ZNF644: variants seen among roughly 807,000 people sequenced by gnomAD.
ZNF644 encodes the protein zinc finger motif enhancer binding protein 2.
Under a neutral mutation model 108.0 loss-of-function variants are expected in ZNF644, and 20 were observed. The ratio of observed to expected loss-of-function variants is 0.19; its 90% CI spans 0.13 to 0.27. ZNF644 has a LOEUF of 0.27. ZNF644 is among the 10% of genes least tolerant of loss of function. The probability of loss-of-function intolerance (pLI) is 1.00; values close to 1 mark genes in which losing one functional copy is unlikely to be tolerated. For missense variants in ZNF644, 1,338 were observed against 1,548.9 expected, an observed-to-expected ratio of 0.86 and a Z score of 2.29; for synonymous variants, 542 against 539.1, an observed-to-expected ratio of 1.01 and a Z score of -0.08.
chr1:90,978,840 A>G (rs935912552), intron 2 of ZNF644, among the ~76,000 whole-genome samples: 1 of 151,294 alleles, frequency 6.6e-6, no homozygotes, highest in African/African-American at 2.4e-5. Context: ...AGGATTTAAA[A>G]AAAAAAAAAA....
chr1:91,013,449 TCTCACACACACA>T (rs1377297596), intron 1 of ZNF644, among the ~76,000 whole-genome samples: 2 of 96,266 alleles, frequency 2.1e-5, no homozygotes, highest in Non-Finnish European at 5.0e-5. Flanking sequence ...CCAATCTCTC[TCTCACACACACA>T]CACACACACA....
intron 1 of ZNF644, among the ~76,000 whole-genome samples, chr1:91,015,106 G>C (rs1660317226): frequency 6.6e-6 from 1 of 152,214 alleles, no homozygotes; most frequent in South Asian, 2.1e-4. Flanking sequence ...TATTTTTCAA[G>C]CATAAATGAA....
intron 2 of ZNF644, among the ~76,000 whole-genome samples, chr1:90,981,462 C>T (rs1274054691): frequency 2.6e-5 from 4 of 151,950 alleles, no homozygotes; most frequent in Non-Finnish European, 5.9e-5. Flanking sequence ...AACTACAGCA[C>T]TTTTCATCCT....
chr1:91,013,866 T>C (rs1203453250), intron 1 of ZNF644, among the ~76,000 whole-genome samples: 2 of 152,232 alleles, frequency 1.3e-5, no homozygotes, highest in Non-Finnish European at 2.9e-5. Flanking sequence ...GTTTATATGA[T>C]GAAATAATAG....
chr1:90,915,973 CT>C lies in ZNF644; in HGVS notation c.*824del, dbSNP rs1457895867. On this transcript the variant is annotated 3_prime_UTR_variant, in exon 6 of 6. Transcript: ENST00000337393. ...GGTAAAACATTAAAAAGAAACAAAC[CT>C]GTTAACAAAAGAATGTCTTGCAATA... The C allele has an allele frequency of 6.6e-6, 1 of 152,418 alleles. No homozygotes were observed. The highest frequency in any genetic ancestry group is 1.5e-5 in the Non-Finnish European group (1 of 67,962). The allele number at this position is 152,418 out of a possible 1,614,324, so 9.4% of individuals were successfully genotyped here.
intron 2 of ZNF644, among the ~76,000 whole-genome samples, chr1:90,962,498 T>C (rs2101142371): frequency 6.6e-6 from 1 of 152,064 alleles, no homozygotes; most frequent in East Asian, 1.9e-4. Context: ...AAAAATCAGT[T>C]CTAGATAGAA....
In ZNF644 at chr1:90,948,743, T is replaced by C. The variant is rs538913104; in HGVS notation, c.45-7434A>G. On this transcript the variant is annotated intron_variant, in intron 2 of 5. Transcript: ENST00000337393. ...AGTTCAAGCTCATGTTGTTCAAGGGTCAACTGTATTTCATTTTTGGGAAAA... is the reference window on the plus strand; with the variant it reads ...AGTTCAAGCTCATGTTGTTCAAGGGCCAACTGTATTTCATTTTTGGGAAAA... 2.5e-3 allele frequency among the ~76,000 whole-genome samples: 373 copies of C among 152,176 alleles called. 1 individual carries two copies. The highest frequency in any genetic ancestry group is 3.7e-3 in the Admixed American group (56 of 15,278).
At chr1:91,014,550 A>C (rs760408722) in intron 1 of ZNF644, among the ~76,000 whole-genome samples, 2 of 152,224 alleles carry the variant, frequency 1.3e-5, no homozygotes, top group Non-Finnish European at 2.9e-5. Context: ...GATAGATAGC[A>C]TGATTAAACC....
intron 1 of ZNF644, among the ~76,000 whole-genome samples, chr1:90,999,990 A>C (rs1407375820): frequency 6.6e-6 from 1 of 152,232 alleles, no homozygotes; most frequent in Non-Finnish European, 1.5e-5. Context: ...AGAGCTAACT[A>C]TCCTAAATAT....
intron 1 of ZNF644, among the ~76,000 whole-genome samples, chr1:90,998,185 T>G (rs1349766074): frequency 6.6e-6 from 1 of 152,160 alleles, no homozygotes; most frequent in Non-Finnish European, 1.5e-5. Flanking sequence ...GTCTGACAGC[T>G]TTGAAGCGAG....
chr1:90,982,336 C>T lies in ZNF644; in HGVS notation c.18G>A (p.Gln6=), dbSNP rs1656634519. Reference sequence around the variant, plus strand: ...TAGATTTTGTCTTATTAACATCTTGCTGCAAGAACGATCTCATCCAAAATT... The same window carrying T: ...TAGATTTTGTCTTATTAACATCTTGTTGCAAGAACGATCTCATCCAAAATT... The part of the protein sequence containing the change: MRSFL[Q]QDVNKTKSRL... Residue 6 remains glutamine (Q), a synonymous_variant, in exon 2 of 6, where the codon CAG becomes CAA. Coordinates refer to ENST00000337393, the MANE Select transcript of ZNF644 (RefSeq NM_201269.3). 3 of 1,610,702 alleles carry T rather than the reference C, an allele frequency of 1.9e-6. No homozygotes were observed. The East Asian group carries it at 6.7e-5, about 36-fold the overall frequency.
chr1:90,935,390 A>G (rs954863509), intron 4 of ZNF644: 34 of 985,774 alleles, frequency 3.4e-5, no homozygotes, highest in Non-Finnish European at 3.9e-5. Context: ...ACTTGCTGTG[A>G]TATCTGTTCA....
At chr1:90,953,686 G>A (rs201525006) in intron 2 of ZNF644, among the ~76,000 whole-genome samples, 5 of 151,974 alleles carry the variant, frequency 3.3e-5, no homozygotes, top group Admixed American at 6.6e-5. Flanking sequence ...AGGCTGAGGC[G>A]GATGAATCAC....
At chr1:90,963,507 C>T (rs993067414) in intron 2 of ZNF644, among the ~76,000 whole-genome samples, 5 of 152,078 alleles carry the variant, frequency 3.3e-5, no homozygotes, top group Admixed American at 1.3e-4. Context: ...AAATGTTGCA[C>T]ATATGCACCA....
chr1:91,001,421 C>A (rs1197426855), intron 1 of ZNF644, among the ~76,000 whole-genome samples: 2 of 152,132 alleles, frequency 1.3e-5, no homozygotes, highest in South Asian at 2.1e-4. Flanking sequence ...ATAAACAGAA[C>A]CAAAGACAAA....
At chr1:90,936,502 C>T (rs914009699) in intron 4 of ZNF644, among the ~76,000 whole-genome samples, 1 of 152,106 alleles carries the variant, frequency 6.6e-6, no homozygotes, top group South Asian at 2.1e-4. Context: ...TAAATCAAAA[C>T]TGCATTACAA....
chr1:90,935,540 A>G, intron 4 of ZNF644: 1 of 985,908 alleles, frequency 1.0e-6, no homozygotes. Context: ...CCTATCATTC[A>G]AAAGAAAACT....
intron 4 of ZNF644, among the ~76,000 whole-genome samples, chr1:90,924,910 C>T (rs1229985852): frequency 6.6e-6 from 1 of 152,116 alleles, no homozygotes; most frequent in African/African-American, 2.4e-5. Context: ...GAACTACCTA[C>T]CAATAAGCCA....
rs140660734 is a variant in ZNF644, at chr1:90,959,519, T to C, written c.45-18210A>G. 2.7e-3 allele frequency among the ~76,000 whole-genome samples: 409 copies of C among 152,302 alleles called. 3 individuals carry two copies. The highest frequency in any genetic ancestry group is 9.4e-3 in the African/African-American group (390 of 41,568). Reference sequence around the variant, plus strand: ...CTCAAATATTCATTAAGGAATAATATGTAAATTGCGGTATATCCATACAAT... The same window carrying C: ...CTCAAATATTCATTAAGGAATAATACGTAAATTGCGGTATATCCATACAAT... On this transcript the variant is annotated intron_variant, in intron 2 of 5. Coordinates refer to ENST00000337393, the MANE Select transcript of ZNF644 (RefSeq NM_201269.3).
Sources: allele counts gnomAD v4.1 joint callset (sites outside exome capture counted in the v4.1 genomes callset), GRCh38; gene constraint gnomAD v4.1.1; transcripts MANE v1.5; gene names NCBI Gene and HGNC (gene_info 2026-07-23, HGNC 2026-07-21).